Variants in PTPRD observed in about 807,000 individuals in gnomAD.
PTPRD encodes the protein protein tyrosine phosphatase receptor type D.
In PTPRD, 34 loss-of-function variants were observed where a neutral mutation model predicts 214.5. The observed-to-expected ratio is 0.16, with a 90% CI of 0.12 to 0.21. PTPRD has a LOEUF of 0.21. PTPRD is among the 10% of genes least tolerant of loss of function. The pLI is 1.00. For synonymous variants in PTPRD, 1,128 were observed against 845.7 expected (o/e 1.33, Z -5.79); for missense variants, 2,545 against 2,398.7 (o/e 1.06, Z -1.27).
At chr9:8,634,615 G>A (rs1293413038) in intron 13 of PTPRD, among the ~76,000 whole-genome samples, 1 of 151,910 alleles carries the variant, frequency 6.6e-6, no homozygotes, top group African/African-American at 2.4e-5. Context: ...ACTCTATAAA[G>A]CATACACTTT....
intron 8 of PTPRD, among the ~76,000 whole-genome samples, chr9:9,437,383 G>C (rs181475960): frequency 2.8e-4 from 43 of 152,192 alleles, no homozygotes; most frequent in African/African-American, 8.7e-4. Flanking sequence ...CTGTCACCAG[G>C]AGCTATTGGC....
intron 9 of PTPRD, among the ~76,000 whole-genome samples, chr9:9,277,423 A>T (rs1424984135): frequency 6.6e-6 from 1 of 151,310 alleles, no homozygotes; most frequent in Non-Finnish European, 1.5e-5. Context: ...GATAATCACA[A>T]TTTTTTCCGT....
chr9:8,937,059 T>A (rs1339765162), intron 11 of PTPRD, among the ~76,000 whole-genome samples: 3 of 135,440 alleles, frequency 2.2e-5, no homozygotes, highest in Non-Finnish European at 3.1e-5. Context: ...GTGTGTTCCT[T>A]CTAATATTAG....
Position 8,887,924 on chromosome 9 carries a change from A to G in PTPRD, c.-104+130773T>C, listed in dbSNP as rs370430668. On this transcript the variant is annotated intron_variant, in intron 11 of 45. Transcript: ENST00000381196. ...CTCACTGGAACTTACAGGAAGAACCATCTCAATTCTTGGAAAACCACAGCT... is the reference window on the plus strand; with the variant it reads ...CTCACTGGAACTTACAGGAAGAACCGTCTCAATTCTTGGAAAACCACAGCT... 3.0e-4 allele frequency among the ~76,000 whole-genome samples: 46 copies of G among 152,110 alleles called. 1 individual carries two copies. The South Asian group carries it at 9.5e-3, about 32-fold the overall frequency.
At chr9:10,162,670 T>C (rs1054611275) in intron 3 of PTPRD, among the ~76,000 whole-genome samples, 2 of 147,336 alleles carry the variant, frequency 1.4e-5, no homozygotes, top group South Asian at 2.1e-4. Context: ...CATGTATATG[T>C]ATATACATGT....
At chr9:9,672,581 T>A (rs2154387867) in intron 7 of PTPRD, among the ~76,000 whole-genome samples, 1 of 152,268 alleles carries the variant, frequency 6.6e-6, no homozygotes, top group Middle Eastern at 3.4e-3. Context: ...TTAAAGCTCA[T>A]GATCTGAACA....
intron 11 of PTPRD, among the ~76,000 whole-genome samples, chr9:8,921,713 C>T (rs1203771565): frequency 6.6e-6 from 1 of 151,846 alleles, no homozygotes; most frequent in Non-Finnish European, 1.5e-5. Context: ...AGGCTAGTCT[C>T]GAACTCCCGA....
At chr9:8,754,621 A>G (rs2093821976) in intron 11 of PTPRD, among the ~76,000 whole-genome samples, 1 of 152,230 alleles carries the variant, frequency 6.6e-6, no homozygotes, top group South Asian at 2.1e-4. Flanking sequence ...CCTAGATGTG[A>G]AAGATAAATA....
chr9:9,510,874 C>G (rs1465923189), intron 8 of PTPRD, among the ~76,000 whole-genome samples: 1 of 151,498 alleles, frequency 6.6e-6, no homozygotes, highest in African/African-American at 2.4e-5. Context: ...CAAAAATATC[C>G]CAGAGCAAGA....
intron 3 of PTPRD, among the ~76,000 whole-genome samples, chr9:10,136,725 C>T (rs2098947061): frequency 1.2e-5 from 1 of 81,876 alleles, no homozygotes; most frequent in African/African-American, 5.3e-5. Flanking sequence ...TAAAGAGCTT[C>T]TGCACAGCAA....
chr9:8,850,492 T>C (rs1293456464), intron 11 of PTPRD, among the ~76,000 whole-genome samples: 5 of 152,156 alleles, frequency 3.3e-5, no homozygotes, highest in South Asian at 2.1e-4. Context: ...ATATTTCCAA[T>C]GGAAGATGCT....
intron 12 of PTPRD, among the ~76,000 whole-genome samples, chr9:8,639,445 C>T (rs61600422): frequency 3.3e-5 from 5 of 151,996 alleles, no homozygotes; most frequent in Admixed American, 2.0e-4. Context: ...AACTGTCAAC[C>T]GGGAAGGAAA....
chr9:9,105,253 T>C (rs1465214608), intron 10 of PTPRD, among the ~76,000 whole-genome samples: 3 of 152,174 alleles, frequency 2.0e-5, no homozygotes, highest in Admixed American at 1.3e-4. Context: ...ACTCCAAAGC[T>C]CTTCAGTGCC....
intron 3 of PTPRD, among the ~76,000 whole-genome samples, chr9:10,106,199 A>G (rs753956735): frequency 1.3e-5 from 2 of 151,732 alleles, no homozygotes; most frequent in Non-Finnish European, 2.9e-5. Context: ...CCACTACTCC[A>G]TGCAGAAAAT....
intron 11 of PTPRD, among the ~76,000 whole-genome samples, chr9:8,849,928 G>A (rs925389006): frequency 6.6e-6 from 1 of 152,132 alleles, no homozygotes; most frequent in Non-Finnish European, 1.5e-5. Flanking sequence ...CACCTAAGAA[G>A]CTGCGTATGG....
chr9:9,007,579 T>A (rs934586530), intron 11 of PTPRD, among the ~76,000 whole-genome samples: 1 of 152,064 alleles, frequency 6.6e-6, no homozygotes, highest in South Asian at 2.1e-4. Context: ...CAGCTAAAAC[T>A]TTCCATCAAT....
chr9:9,343,527 G>A (rs1294394495), intron 9 of PTPRD, among the ~76,000 whole-genome samples: 1 of 152,050 alleles, frequency 6.6e-6, no homozygotes, highest in Non-Finnish European at 1.5e-5. Context: ...GCCTTCTTTT[G>A]TATATCTCTG....
intron 2 of PTPRD, among the ~76,000 whole-genome samples, chr9:10,395,097 T>C (rs1159511632): frequency 6.6e-6 from 1 of 151,188 alleles, no homozygotes; most frequent in Non-Finnish European, 1.5e-5. Flanking sequence ...GCAGGCTTTC[T>C]TTTTATTATT....
chr9:9,331,965 T>TC (rs1167670042), intron 9 of PTPRD, among the ~76,000 whole-genome samples: 1 of 151,846 alleles, frequency 6.6e-6, no homozygotes, highest in Non-Finnish European at 1.5e-5. Flanking sequence ...TTGAAGAACA[T>TC]CCCCCCACCT....
Sources: allele counts gnomAD v4.1 joint callset (sites outside exome capture counted in the v4.1 genomes callset), GRCh38; gene constraint gnomAD v4.1.1; transcripts MANE v1.5; gene names NCBI Gene and HGNC (gene_info 2026-07-23, HGNC 2026-07-21).